FREM1: variants seen among roughly 807,000 people sequenced by gnomAD.
FREM1 encodes the protein FRAS1 related extracellular matrix 1, also known as FRAS1-related extracellular matrix protein 1.
Under a neutral mutation model 210.1 loss-of-function variants are expected in FREM1, and 220 were observed. That is an observed-to-expected ratio of 1.05 (90% CI 0.94 to 1.17). FREM1 has a LOEUF of 1.17. Among genes scored for constraint, FREM1 ranks in the 50% most tolerant of loss-of-function variants. FREM1 has a pLI of 0.00. For synonymous variants in FREM1, 1,189 were observed against 980.2 expected, an observed-to-expected ratio of 1.21 and a Z score of -3.98; for missense variants, 3,454 against 2,675.5, an observed-to-expected ratio of 1.29 and a Z score of -6.42.
At chr9:14,851,219 G>T (rs1827679759) in intron 6 of FREM1, 65 bp downstream of exon 6, 3 of 1,177,914 alleles carry the variant, frequency 2.5e-6, no homozygotes, top group East Asian at 2.3e-5. Context: ...AGGGTTTAGG[G>T]TAGGGGGTTC....
chr9:14,737,237 C>A lies in FREM1; in HGVS notation c.*159G>T. ...TTGTAAAAAATATTTATTTATCAATCTTTCTGGCACTATTAAAAATGTCCC... is the reference window on the plus strand; with the variant it reads ...TTGTAAAAAATATTTATTTATCAATATTTCTGGCACTATTAAAAATGTCCC... On this transcript the variant is annotated 3_prime_UTR_variant, in exon 37 of 37. Coordinates refer to ENST00000380880, the MANE Select transcript of FREM1 (RefSeq NM_001379081.2). 1.9e-6 allele frequency: 1 copy of A among 531,258 alleles called. No individual in the cohort carries two copies. The allele number at this position is 531,258 out of a possible 1,614,324, so 32.9% of individuals were successfully genotyped here.
rs199638612 is a variant in FREM1, at chr9:14,877,685, CA to C, written c.-267-8442del. On this transcript the variant is annotated intron_variant, in intron 1 of 36. Coordinates refer to ENST00000380880, the MANE Select transcript of FREM1 (RefSeq NM_001379081.2). ...CAAGCCTCCATGGATTCTACTGTCACAAGGAAATGAATCCTGCCAACACCCT... is the reference window on the plus strand; with the variant it reads ...CAAGCCTCCATGGATTCTACTGTCACAGGAAATGAATCCTGCCAACACCCT... Among the ~76,000 whole-genome samples, 666 of 152,146 alleles carry C rather than the reference CA, an allele frequency of 4.4e-3. 7 individuals carry two copies. The highest frequency in any genetic ancestry group is 0.015 in the African/African-American group (628 of 41,478).
rs1406570943 is a variant in FREM1, at chr9:14,859,257, C to T, written c.557G>A (p.Gly186Asp). ...DTARTRLPAH[G>D]QMVLGEPRPE... ...TCGAGGCTCCCCGAGAACCATCTGGCCATGGGCTGGCAGCCGAGTTCTCGC... is the reference window on the plus strand; with the variant it reads ...TCGAGGCTCCCCGAGAACCATCTGGTCATGGGCTGGCAGCCGAGTTCTCGC... Residue 186 changes from glycine to aspartate, a missense_variant, in exon 4 of 37, where the codon GGC becomes GAC. Coordinates refer to ENST00000380880, the MANE Select transcript of FREM1 (RefSeq NM_001379081.2). 4 of 1,613,458 alleles carry T rather than the reference C, an allele frequency of 2.5e-6. No individual in the cohort carries two copies. The highest frequency in any genetic ancestry group is 2.5e-6 in the Non-Finnish European group (3 of 1,179,600).
intron 2 of FREM1, among the ~76,000 whole-genome samples, chr9:14,865,819 G>T (rs895799373): frequency 6.6e-6 from 1 of 152,080 alleles, no homozygotes; most frequent in Non-Finnish European, 1.5e-5. Flanking sequence ...ACAGACTTAG[G>T]AATCTTGTTT....
intron 1 of FREM1, among the ~76,000 whole-genome samples, chr9:14,872,783 C>G (rs1049514521): frequency 6.6e-6 from 1 of 151,734 alleles, no homozygotes; most frequent in African/African-American, 2.4e-5. Flanking sequence ...TTTGCCCATT[C>G]AGTATGATAT....
At position 14,788,943 on chromosome 9, in the gene FREM1, T is replaced by C; in HGVS notation, c.4153A>G (p.Ile1385Val). The C allele has an allele frequency of 6.2e-7, 1 of 1,612,798 alleles. No homozygotes were observed. The highest frequency in any genetic ancestry group is 8.5e-7 in the Non-Finnish European group (1 of 1,179,416). ...NNRSPALDCQ[I>V]TIKDMEKGDI... The stretch of plus-strand genomic sequence containing the variant: ...CCTTTTTCCATGTCCTTGATGGTGA[T>C]TTGACAGTCAAGAGCAGGGGACCTG... The change falls in exon 23 of 37, where the codon ATC becomes GTC. Residue 1385 changes from isoleucine (I) to valine (V), a missense_variant. Transcript: ENST00000380880.
intron 6 of FREM1, among the ~76,000 whole-genome samples, chr9:14,849,645 C>A (rs759660899): frequency 6.6e-6 from 1 of 152,206 alleles, no homozygotes; most frequent in Non-Finnish European, 1.5e-5. Context: ...ACAGACTGAA[C>A]AGGAAACTAC....
intron 23 of FREM1, among the ~76,000 whole-genome samples, chr9:14,786,036 C>T (rs543870152): frequency 2.3e-4 from 35 of 152,198 alleles, no homozygotes; most frequent in Admixed American, 1.4e-3. Flanking sequence ...GTTCACCTGA[C>T]GTCCATTACC....
Position 14,746,468 on chromosome 9 carries a change from C to T in FREM1, c.6139G>A (p.Asp2047Asn), listed in dbSNP as rs570797431. Residue 2047 changes from aspartate to asparagine, a missense_variant and splice_region_variant, in exon 35 of 37, where the codon GAT (aspartate) becomes AAT (asparagine). By Grantham distance (23) the Asp-to-Asn change is conservative. Transcript: ENST00000380880. ...GCTGGACAGGATTTGTCTTCCACATCCTGAAAAACAGTTGTCTGTGTTCAT... is the reference window on the plus strand; with the variant it reads ...GCTGGACAGGATTTGTCTTCCACATTCTGAAAAACAGTTGTCTGTGTTCAT... ...AWKAWSPQTK[D>N]VEDKSCPAGW... The T allele has an allele frequency of 1.8e-5, 29 of 1,610,130 alleles. 1 individual carries two copies. The highest frequency in any genetic ancestry group is 1.7e-4 in the Middle Eastern group (1 of 6,036).
chr9:14,910,692 G>A (rs1297586535), upstream of FREM1: 2 of 152,330 alleles, frequency 1.3e-5, no homozygotes. Context: ...GCATTCTCAC[G>A]CATGCTCCAC....
At chr9:14,807,167 T>C (rs1818520660) in intron 17 of FREM1, among the ~76,000 whole-genome samples, 1 of 152,248 alleles carries the variant, frequency 6.6e-6, no homozygotes, top group Non-Finnish European at 1.5e-5. Context: ...GTTTCCCTTG[T>C]GTCTCTATGG....
At chr9:14,827,862 T>C (rs1822769353) in intron 10 of FREM1, among the ~76,000 whole-genome samples, 1 of 152,166 alleles carries the variant, frequency 6.6e-6, no homozygotes, top group Admixed American at 6.5e-5. Context: ...CAGCTGTGGC[T>C]CAAGCAGGCC....
chr9:14,886,603 A>C lies in FREM1; in HGVS notation c.-267-17359T>G, dbSNP rs140919350. Among the ~76,000 whole-genome samples, 464 of 152,200 alleles carry C rather than the reference A, an allele frequency of 3.0e-3. 4 individuals are homozygous for C. The highest frequency in any genetic ancestry group is 0.01 in the African/African-American group (418 of 41,528). On this transcript the variant is annotated intron_variant, in intron 1 of 36. Coordinates refer to ENST00000380880, the MANE Select transcript of FREM1 (RefSeq NM_001379081.2). ...TAGTCAGAAGCTAAACTTAGAAGTTATCAATAGAATGTACAGGGGCGGTGG... is the reference window on the plus strand; with the variant it reads ...TAGTCAGAAGCTAAACTTAGAAGTTCTCAATAGAATGTACAGGGGCGGTGG...
intron 24 of FREM1, chr9:14,779,360 T>C (rs1849269176): frequency 3.1e-6 from 1 of 325,046 alleles, no homozygotes; most frequent in Admixed American, 6.5e-5. Flanking sequence ...TGTAGAGCTA[T>C]AGACATTGTG....
chr9:14,881,784 C>G (rs1423387613), intron 1 of FREM1, among the ~76,000 whole-genome samples: 1 of 152,212 alleles, frequency 6.6e-6, no homozygotes, highest in South Asian at 2.1e-4. Flanking sequence ...TTGTAGCTAT[C>G]TGCGGCTATG....
intron 19 of FREM1, among the ~76,000 whole-genome samples, chr9:14,804,037 A>G (rs1191379690): frequency 1.3e-5 from 2 of 152,232 alleles, no homozygotes; most frequent in Admixed American, 1.3e-4. Flanking sequence ...AGATCAATAT[A>G]CATAAAATGC....
Position 14,740,272 on chromosome 9 carries a change from A to T in FREM1, c.6255-38T>A, listed in dbSNP as rs192663947. ...GAAAATGAGAGTATCAGCAACAAGC[A>T]GTTAACATTTCTGCTGATACGAAAT... On this transcript the variant is annotated intron_variant, in intron 35 of 36. Transcript: ENST00000380880. 7.0e-6 allele frequency: 10 copies of T among 1,426,976 alleles called. No individual in the cohort carries two copies. The East Asian group carries it at 1.6e-4, about 23-fold the overall frequency. The allele number at this position is 1,426,976 out of a possible 1,614,324, so 88.4% of individuals were successfully genotyped here.
intron 24 of FREM1, 181 bp downstream of exon 24, chr9:14,784,189 C>G (rs1208623822): frequency 1.9e-6 from 1 of 518,092 alleles, no homozygotes; most frequent in Non-Finnish European, 3.2e-6. Context: ...TCATTTTTTT[C>G]TCCTTTTCTT....
rs1588426126 is a variant in FREM1, at chr9:14,860,614, C to CATATAT, written c.330-1131_330-1130insATATAT. ...ATATACATATATACACATATATACA[C>CATATAT]ACATATATATACACATATATACACA... On this transcript the variant is annotated intron_variant, in intron 3 of 36. Coordinates refer to ENST00000380880, the MANE Select transcript of FREM1 (RefSeq NM_001379081.2). Among the ~76,000 whole-genome samples the CATATAT allele has an allele frequency of 1.0e-4, 12 of 117,142 alleles. No individual in the cohort carries two copies. The East Asian group carries it at 2.3e-3, about 22-fold the overall frequency. 76.8% of individuals were successfully genotyped at this position (117,142 alleles called of 152,430 possible).
Sources: gnomAD v4.1 joint callset for allele counts (sites outside exome capture counted in the v4.1 genomes callset) on GRCh38, gnomAD v4.1.1 for gene constraint, MANE v1.5 for transcripts, NCBI Gene and HGNC (gene_info 2026-07-23, HGNC 2026-07-21) for gene names.